Variants in LRRC28 observed in about 807,000 individuals in gnomAD.
LRRC28 encodes leucine rich repeat containing 28.
A neutral mutation model predicts 45.7 loss-of-function variants in LRRC28; 39 were observed. The ratio of observed to expected loss-of-function variants is 0.85; its 90% CI spans 0.66 to 1.12. The LOEUF (loss-of-function observed/expected upper bound fraction) is 1.12. LRRC28 is among the 50% of genes most tolerant of loss of function. The probability of loss-of-function intolerance (pLI) is 0.00; values close to 1 mark genes in which losing one functional copy is unlikely to be tolerated. For synonymous variants in LRRC28, 206 were observed against 178.8 expected (o/e 1.15, Z -1.22); for missense variants, 435 against 438.5 (o/e 0.99, Z 0.07).
chr15:99,319,059 C>T (rs1225286610), intron 5 of LRRC28, among the ~76,000 whole-genome samples: 3 of 152,042 alleles, frequency 2.0e-5, no homozygotes, highest in African/African-American at 7.2e-5. Flanking sequence ...ATCATTCTTT[C>T]CAGCAAGTAA....
intron 5 of LRRC28, among the ~76,000 whole-genome samples, chr15:99,317,895 TGAG>T (rs1037419943): frequency 7.2e-5 from 11 of 152,276 alleles, no homozygotes; most frequent in Admixed American, 5.2e-4. Flanking sequence ...TTCCTATTAT[TGAG>T]GAGCATTTAA....
chr15:99,330,070 G>A (rs1324813731), intron 5 of LRRC28, among the ~76,000 whole-genome samples: 1 of 151,986 alleles, frequency 6.6e-6, no homozygotes, highest in African/African-American at 2.4e-5. Flanking sequence ...ATAAATACAT[G>A]TCTTTTTTAA....
chr15:99,304,490 A>G (rs1159170808), intron 5 of LRRC28, among the ~76,000 whole-genome samples: 1 of 151,346 alleles, frequency 6.6e-6, no homozygotes, highest in Non-Finnish European at 1.5e-5. Context: ...GGGTGCAGTG[A>G]TGTGATCTCC....
chr15:99,266,199 T>C (rs2081328550), intron 2 of LRRC28, among the ~76,000 whole-genome samples: 1 of 152,218 alleles, frequency 6.6e-6, no homozygotes, highest in Admixed American at 6.5e-5. Flanking sequence ...GCACAGATGT[T>C]CTTTCTTTCC....
intron 3 of LRRC28, among the ~76,000 whole-genome samples, chr15:99,284,211 G>C (rs1209628780): frequency 6.6e-6 from 1 of 152,182 alleles, no homozygotes; most frequent in Non-Finnish European, 1.5e-5. Flanking sequence ...ACTTGCTGCA[G>C]GATGGTTTTG....
rs560821633 is a variant in LRRC28 at position 99,287,926 on chromosome 15, T to C, written c.360T>C (p.Asn120=). The change falls in exon 5 of 10, where the codon AAT becomes AAC. Residue 120 remains asparagine, a synonymous_variant. Transcript: ENST00000301981. ...CTTTACGTCATCTTCGATTAGCTAA[T>C]AACCAACTGCAATTCCTACCTCCAG... ...LRALRHLRLA[N]NQLQFLPPEV... 5.0e-5 allele frequency: 81 copies of C among 1,613,752 alleles called. 1 individual carries two copies. The South Asian group carries it at 8.3e-4, about 17-fold the overall frequency.
intron 5 of LRRC28, among the ~76,000 whole-genome samples, chr15:99,294,399 T>C (rs1173733582): frequency 2.0e-5 from 3 of 152,156 alleles, no homozygotes; most frequent in Non-Finnish European, 4.4e-5. Flanking sequence ...TATCTGTTGA[T>C]CTGAGTTCTA....
chr15:99,280,552 A>T (rs891781530), intron 3 of LRRC28, among the ~76,000 whole-genome samples: 2 of 152,132 alleles, frequency 1.3e-5, no homozygotes, highest in Non-Finnish European at 2.9e-5. Flanking sequence ...CCTGGCGTGC[A>T]TAGTTTCTGA....
chr15:99,362,454 A>C (rs975197427), intron 8 of LRRC28, among the ~76,000 whole-genome samples: 3 of 152,202 alleles, frequency 2.0e-5, no homozygotes, highest in African/African-American at 7.2e-5. Context: ...GCTCATCATC[A>C]GTAGAAACCC....
At chr15:99,339,507 G>A (rs1447697500) in intron 6 of LRRC28, among the ~76,000 whole-genome samples, 1 of 152,220 alleles carries the variant, frequency 6.6e-6, no homozygotes, top group Non-Finnish European at 1.5e-5. Context: ...GAGGCAGGTG[G>A]ATCACTTGAG....
intron 9 of LRRC28, among the ~76,000 whole-genome samples, chr15:99,367,028 T>G (rs960855017): frequency 2.0e-5 from 3 of 152,306 alleles, no homozygotes; most frequent in Admixed American, 1.3e-4. Context: ...ACTAGCTGGG[T>G]GTCCTGTAAG....
intron 5 of LRRC28, among the ~76,000 whole-genome samples, chr15:99,301,434 G>A (rs1019054132): frequency 3.2e-4 from 48 of 152,044 alleles, no homozygotes; most frequent in African/African-American, 1.1e-3. Context: ...ATGATATCCT[G>A]TGAAATTGCA....
intron 5 of LRRC28, among the ~76,000 whole-genome samples, chr15:99,304,635 C>T (rs1362407387): frequency 1.3e-5 from 2 of 151,792 alleles, no homozygotes; most frequent in African/African-American, 2.4e-5. Flanking sequence ...TTAGTAGAGA[C>T]GGGGTTTCAC....
intron 9 of LRRC28, among the ~76,000 whole-genome samples, chr15:99,377,071 T>G (rs183885378): frequency 0.015 from 2,323 of 150,964 alleles, 58 homozygotes; most frequent in African/African-American, 0.053. Flanking sequence ...GTAATGGGAT[T>G]GCTGGGTCAA....
chr15:99,386,358 A>G lies in LRRC28; in HGVS notation c.*256A>G. The G allele has an allele frequency of 2.5e-6, 1 of 392,200 alleles. No individual in the cohort carries two copies. The highest frequency in any genetic ancestry group is 4.6e-6 in the Non-Finnish European group (1 of 219,366). 24.3% of individuals were successfully genotyped at this position (392,200 alleles called of 1,614,324 possible). A position where few individuals can be genotyped will look rare whatever the true frequency, so the allele number is the denominator to read the frequency against. ...TGTGTCTTTTACAGAAACCATTTAG[A>G]TTGATGGGCCTCCCCAAATCTAATT... On this transcript the variant is annotated 3_prime_UTR_variant, in exon 10 of 10. Coordinates refer to ENST00000301981, the MANE Select transcript of LRRC28 (RefSeq NM_144598.5).
intron 5 of LRRC28, 140 bp downstream of exon 5, chr15:99,288,091 G>T: frequency 1.2e-6 from 1 of 801,846 alleles, no homozygotes; most frequent in Non-Finnish European, 1.8e-6. Context: ...ACTAAAGAAT[G>T]GGTGAAATAT....
intron 5 of LRRC28, among the ~76,000 whole-genome samples, chr15:99,303,299 T>C (rs1955050517): frequency 6.6e-6 from 1 of 152,254 alleles, no homozygotes; most frequent in Admixed American, 6.5e-5. Flanking sequence ...TAACTATGCC[T>C]ATCTTTTGGC....
At chr15:99,323,371 TTTAAAAAATGA>T (rs1955865344) in intron 5 of LRRC28, among the ~76,000 whole-genome samples, 2 of 152,212 alleles carry the variant, frequency 1.3e-5, no homozygotes, top group Non-Finnish European at 2.9e-5. Flanking sequence ...AATTCTGCTT[TTTAAAAAATGA>T]TTTTAGACTA....
Position 99,390,447 on chromosome 15 carries a change from T to G in LRRC28, c.*4345T>G, listed in dbSNP as rs1481181440. ...CTTTTTTCCACTCAAGTGTGGATTATCTTTGCTACCTGTGTTAAAGAATAT... is the reference window on the plus strand; with the variant it reads ...CTTTTTTCCACTCAAGTGTGGATTAGCTTTGCTACCTGTGTTAAAGAATAT... On this transcript the variant is annotated 3_prime_UTR_variant, in exon 10 of 10. Transcript: ENST00000301981. 6.6e-6 allele frequency: 1 copy of G among 152,212 alleles called. No homozygotes were observed. The highest frequency in any genetic ancestry group is 1.5e-5 in the Non-Finnish European group (1 of 68,046). The allele number at this position is 152,212 out of a possible 1,614,324, so 9.4% of individuals were successfully genotyped here. A position where few individuals can be genotyped will look rare whatever the true frequency, so the allele number is the denominator to read the frequency against.
Sources: allele counts gnomAD v4.1 joint callset (sites outside exome capture counted in the v4.1 genomes callset), GRCh38; gene constraint gnomAD v4.1.1; transcripts MANE v1.5; gene names NCBI Gene and HGNC (gene_info 2026-07-23, HGNC 2026-07-21).